The following CRYZ variants were observed in gnomAD, a reference collection of about 807,000 sequenced individuals.
CRYZ encodes the protein zeta-crystallin.
In CRYZ, 35 loss-of-function variants were observed where a neutral mutation model predicts 34.1. That is an observed-to-expected ratio of 1.03 (90% confidence interval 0.78 to 1.36). CRYZ has a LOEUF of 1.36. Ranked by LOEUF, CRYZ falls within the 40% of genes most tolerant of loss-of-function variation. The pLI, the probability that CRYZ is intolerant of heterozygous loss-of-function variation, is 0.00. For synonymous variants in CRYZ, 137 were observed against 136.5 expected, an observed-to-expected ratio of 1.00 and a Z score of -0.03; for missense variants, 403 against 391.8, an observed-to-expected ratio of 1.03 and a Z score of -0.24.
At chr1:74,731,832 G>A (rs1427404254) in intron 1 of CRYZ, among the ~76,000 whole-genome samples, 1 of 152,108 alleles carries the variant, frequency 6.6e-6, no homozygotes, top group Non-Finnish European at 1.5e-5. Flanking sequence ...ACCTTCCCTG[G>A]TCACTGAGTC....
intron 1 of CRYZ, among the ~76,000 whole-genome samples, chr1:74,732,072 C>T (rs1475120688): frequency 6.6e-6 from 1 of 151,774 alleles, no homozygotes; most frequent in Non-Finnish European, 1.5e-5. Flanking sequence ...GGGGCCCTAC[C>T]TAGGAGAAGA....
intron 3 of CRYZ, among the ~76,000 whole-genome samples, chr1:74,720,111 A>T (rs1210471514): frequency 1.3e-5 from 2 of 152,128 alleles, no homozygotes; most frequent in Non-Finnish European, 2.9e-5. Flanking sequence ...CCTCAGATCA[A>T]GCAGCTAGTA....
chr1:74,706,996 T>G lies in CRYZ; in HGVS notation c.733-2A>C. 1 of 1,611,052 alleles carries G rather than the reference T, an allele frequency of 6.2e-7. No individual in the cohort carries two copies. Among genetic ancestry groups the G allele is most frequent in the Non-Finnish European group, 8.5e-7 (1 of 1,178,524 alleles). On this transcript the variant is annotated splice_acceptor_variant, in intron 7 of 8. Transcript: ENST00000340866. LOFTEE classifies it high-confidence loss of function. ...AATAGTACCTCTGCTGCCAACAACC[T>G]AACATGAAAAACAGCAATTCTACAG...
rs767915801 is a variant in CRYZ at position 74,706,255 on chromosome 1, G to A, written c.*41C>T. ...GGTAAGTACAACTGGGGGAAAGACA[G>A]TACCTCTAATTACATAGGAAATCCA... On this transcript the variant is annotated 3_prime_UTR_variant, in exon 9 of 9. Coordinates refer to ENST00000340866, the MANE Select transcript of CRYZ (RefSeq NM_001889.4). 6.6e-7 allele frequency: 1 copy of A among 1,510,914 alleles called. No individual in the cohort carries two copies. Among genetic ancestry groups the A allele is most frequent in the Non-Finnish European group, 9.0e-7 (1 of 1,116,416 alleles). 93.6% of individuals were successfully genotyped at this position (1,510,914 alleles called of 1,614,324 possible). A position where few individuals can be genotyped will look rare whatever the true frequency, so the allele number is the denominator to read the frequency against.
chr1:74,727,644 CAAAAA>C (rs1169467605), intron 1 of CRYZ, among the ~76,000 whole-genome samples: 498 of 48,682 alleles, frequency 0.01, 4 homozygotes, highest in African/African-American at 0.034. Flanking sequence ...GACTCTGTCT[CAAAAA>C]AAAAAAAAAA....
intron 4 of CRYZ, among the ~76,000 whole-genome samples, chr1:74,715,366 C>A (rs970122953): frequency 1.3e-5 from 2 of 152,196 alleles, no homozygotes; most frequent in African/African-American, 4.8e-5. Context: ...TCCAGATGGA[C>A]GGTGCCAATG....
At position 74,706,902 on chromosome 1, in the gene CRYZ, G is replaced by C; in HGVS notation, c.825C>G (p.Thr275=). 1 of 1,609,636 alleles carries C rather than the reference G, an allele frequency of 6.2e-7. No individual in the cohort carries two copies. The highest frequency in any genetic ancestry group is 2.2e-5 in the East Asian group (1 of 44,790). Residue 275 remains threonine, a synonymous_variant, in exon 8 of 9, where the codon ACC becomes ACG. Transcript: ENST00000340866. ...TCAGAAGTACTTCTTTTCCTACCTT[G>C]GTTGAGGAAAAGAGAGTAACTCCAA... ...SIIGVTLFSS[T]KEEFQQYAAA...
intron 1 of CRYZ, among the ~76,000 whole-genome samples, chr1:74,730,136 C>A (rs1010918479): frequency 5.9e-5 from 9 of 152,262 alleles, no homozygotes; most frequent in East Asian, 3.9e-4. Flanking sequence ...TTTCCCCCCC[C>A]ACATTTTGGC....
intron 4 of CRYZ, among the ~76,000 whole-genome samples, chr1:74,715,200 A>G (rs772402683): frequency 6.6e-6 from 1 of 152,184 alleles, no homozygotes; most frequent in Non-Finnish European, 1.5e-5. Flanking sequence ...AAATGCAATA[A>G]ATTCTATCAC....
chr1:74,727,458 C>CAAAAA (rs3041452), intron 1 of CRYZ, among the ~76,000 whole-genome samples: 3 of 71,920 alleles, frequency 4.2e-5, no homozygotes, highest in African/African-American at 5.7e-5. Context: ...CTAAAAAATA[C>CAAAAA]AAAAAAAAAA....
chr1:74,726,599 A>AT (rs1647354067), intron 1 of CRYZ, among the ~76,000 whole-genome samples: 1 of 152,144 alleles, frequency 6.6e-6, no homozygotes, highest in Non-Finnish European at 1.5e-5. Context: ...CATTTTCCCC[A>AT]TTCCATTATC....
At chr1:74,715,443 C>A (rs922407851) in intron 4 of CRYZ, among the ~76,000 whole-genome samples, 1 of 152,160 alleles carries the variant, frequency 6.6e-6, no homozygotes, top group Admixed American at 6.6e-5. Flanking sequence ...CTTCCTCAAA[C>A]AATGTGGGGT....
chr1:74,725,161 TGA>T (rs1647270482), intron 1 of CRYZ, among the ~76,000 whole-genome samples: 1 of 152,220 alleles, frequency 6.6e-6, no homozygotes, highest in Admixed American at 6.5e-5. Flanking sequence ...TTTTATGAGT[TGA>T]GTTTTATTAA....
At chr1:74,724,588 T>C (rs1647239960) in intron 2 of CRYZ, 123 bp downstream of exon 2, 4 of 636,648 alleles carry the variant, frequency 6.3e-6, no homozygotes, top group Non-Finnish European at 8.3e-6. Flanking sequence ...GTATACATAG[T>C]GTAAACTGCA....
chr1:74,727,644 CAAAAAAAAA>C (rs1169467605), intron 1 of CRYZ, among the ~76,000 whole-genome samples: 1 of 48,696 alleles, frequency 2.1e-5, no homozygotes. Context: ...GACTCTGTCT[CAAAAAAAAA>C]AAAAAAAAAA....
At chr1:74,730,499 T>C (rs138528989) in intron 1 of CRYZ, 1 of 152,358 alleles carries the variant, frequency 6.6e-6, no homozygotes, top group Non-Finnish European at 1.5e-5. Flanking sequence ...AATCCTGTAA[T>C]ACCGGATTTC....
rs973639441 is a variant in CRYZ at position 74,705,499 on chromosome 1, T to C, written c.*797A>G. 1 of 152,144 alleles carries C rather than the reference T, an allele frequency of 6.6e-6. No individual in the cohort carries two copies. 9.4% of individuals were successfully genotyped at this position (152,144 alleles called of 1,614,324 possible). ...TAGAAAAGCAGGTTTTAATTTTCTA[T>C]AGACTTTATTACACATTATTATGTT... On this transcript the variant is annotated 3_prime_UTR_variant, in exon 9 of 9. Transcript: ENST00000340866.
Position 74,732,593 on chromosome 1 carries a change from C to A in CRYZ, c.-14+363G>T, listed in dbSNP as rs1250141043. Among the ~76,000 whole-genome samples the A allele has an allele frequency of 1.4e-3, 5 of 3,484 alleles. No individual in the cohort carries two copies. The Admixed American group carries it at 0.021, about 15-fold the overall frequency. The allele number at this position is 3,484 out of a possible 152,430, so 2.3% of individuals were successfully genotyped here. A position where few individuals can be genotyped will look rare whatever the true frequency, so the allele number is the denominator to read the frequency against. ...CTGCAGGGAAAAATCAAGCGGGTGA[C>A]TGGCGGGGGGGGGGGGGGGGGGTGC... On this transcript the variant is annotated intron_variant, in intron 1 of 8. Coordinates refer to ENST00000340866, the MANE Select transcript of CRYZ (RefSeq NM_001889.4).
intron 3 of CRYZ, among the ~76,000 whole-genome samples, chr1:74,719,911 G>C (rs899457131): frequency 6.6e-6 from 1 of 152,038 alleles, no homozygotes; most frequent in Non-Finnish European, 1.5e-5. Flanking sequence ...TCCTTGAATG[G>C]CATCATAATG....
Sources: gnomAD v4.1 joint callset for allele counts (sites outside exome capture counted in the v4.1 genomes callset) on GRCh38, gnomAD v4.1.1 for gene constraint, MANE v1.5 for transcripts, NCBI Gene and HGNC (gene_info 2026-07-23, HGNC 2026-07-21) for gene names.